LGR5: variants seen among roughly 807,000 people sequenced by gnomAD.
LGR5 encodes the protein leucine rich repeat containing G protein-coupled receptor 5.
LGR5 carries 54 observed loss-of-function variants against 76.7 expected under a neutral mutation model. The ratio of observed to expected loss-of-function variants is 0.70; its 90% CI spans 0.57 to 0.88. The LOEUF (loss-of-function observed/expected upper bound fraction) is 0.88, where lower values mean the gene tolerates loss of function less well. Among genes scored for constraint, LGR5 ranks in the 40% least tolerant of loss-of-function variants. The pLI is 0.00. For synonymous variants in LGR5, 406 were observed against 421.9 expected (o/e 0.96, Z 0.46); for missense variants, 1,078 against 1,073.3 (o/e 1.00, Z -0.06).
intron 1 of LGR5, among the ~76,000 whole-genome samples, chr12:71,491,269 G>T (rs992336925): frequency 6.6e-6 from 1 of 152,126 alleles, no homozygotes; most frequent in Non-Finnish European, 1.5e-5. Context: ...CAGATTTTTT[G>T]TAAGTTTATA....
At chr12:71,462,644 A>G (rs1793934019) in intron 1 of LGR5, among the ~76,000 whole-genome samples, 1 of 152,024 alleles carries the variant, frequency 6.6e-6, no homozygotes, top group Non-Finnish European at 1.5e-5. Flanking sequence ...TTTATGGTGC[A>G]TTCATGCCAG....
chr12:71,528,460 C>CA (rs1170713756), intron 3 of LGR5, among the ~76,000 whole-genome samples: 1 of 151,648 alleles, frequency 6.6e-6, no homozygotes, highest in East Asian at 1.9e-4. Context: ...AGACCTGTCT[C>CA]AAAAAATATA....
rs539426615 is a variant in LGR5, at chr12:71,472,415, G to A, written c.212+32123G>A. Among the ~76,000 whole-genome samples the A allele has an allele frequency of 5.3e-5, 8 of 152,236 alleles. No individual in the cohort carries two copies. In the East Asian group the frequency reaches 5.8e-4, roughly 11 times the overall value. On this transcript the variant is annotated intron_variant, in intron 1 of 17. Transcript: ENST00000266674. ...CCTCATACATGGCAGAACAGAAGCC[G>A]TCTGACCTCCAGGTCAGTGTTCTTT...
At position 71,494,013 on chromosome 12, in the gene LGR5, G is replaced by A. The variant is rs558106081; in HGVS notation, c.213-10601G>A. On this transcript the variant is annotated intron_variant, in intron 1 of 17. Coordinates refer to ENST00000266674, the MANE Select transcript of LGR5 (RefSeq NM_003667.4). ...GGCTGGAGTGTAGTGGCGTGATCTC[G>A]GCTCACTGCAAGCTCTGCCTCCCGG... 4.2e-4 allele frequency among the ~76,000 whole-genome samples: 61 copies of A among 146,010 alleles called. 1 individual carries two copies. Among genetic ancestry groups the A allele is most frequent in the African/African-American group, 1.4e-3 (54 of 37,416 alleles).
Position 71,553,251 on chromosome 12 carries a change from G to A in LGR5, c.607G>A (p.Asp203Asn), listed in dbSNP as rs866165667. The A allele has an allele frequency of 6.2e-7, 1 of 1,613,896 alleles. No individual in the cohort carries two copies. Among genetic ancestry groups the A allele is most frequent in the African/African-American group, 1.3e-5 (1 of 74,928 alleles). Residue 203 changes from aspartate to asparagine, a missense_variant, in exon 5 of 18, where the codon GAC (aspartate) becomes AAC (asparagine). Transcript: ENST00000266674. Reference protein sequence around the residue: ...LALNKIHHIPDYAFGNLSSLV... With the variant: ...LALNKIHHIPNYAFGNLSSLV... ...CCTGAACAAAATACACCACATACCA[G>A]ACTATGCCTTTGGAAACCTCTCCAG...
intron 1 of LGR5, among the ~76,000 whole-genome samples, chr12:71,464,083 T>C (rs1298742384): frequency 1.3e-5 from 2 of 152,176 alleles, no homozygotes; most frequent in Non-Finnish European, 2.9e-5. Flanking sequence ...TTATAAAAGA[T>C]TCTTTAAATC....
intron 1 of LGR5, among the ~76,000 whole-genome samples, chr12:71,479,399 T>C (rs2137256913): frequency 6.6e-6 from 1 of 152,322 alleles, no homozygotes. Flanking sequence ...ATTCAGCTGG[T>C]CAATCAACTG....
intron 1 of LGR5, among the ~76,000 whole-genome samples, chr12:71,459,197 A>T (rs1220707465): frequency 1.3e-5 from 2 of 152,140 alleles, no homozygotes; most frequent in East Asian, 3.9e-4. Context: ...CCCTCTCATA[A>T]GGCAAAGCAC....
At chr12:71,475,751 G>T (rs537568514) in intron 1 of LGR5, among the ~76,000 whole-genome samples, 1 of 152,110 alleles carries the variant, frequency 6.6e-6, no homozygotes, top group African/African-American at 2.4e-5. Flanking sequence ...TTTAATATAA[G>T]TAAAAAGAAA....
At chr12:71,447,671 C>T (rs757976119) in intron 1 of LGR5, among the ~76,000 whole-genome samples, 18 of 152,174 alleles carry the variant, frequency 1.2e-4, no homozygotes, top group Non-Finnish European at 2.1e-4. Flanking sequence ...GTGTCTCGTG[C>T]ACACTAATAC....
At chr12:71,531,882 G>C (rs1265268180) in intron 3 of LGR5, among the ~76,000 whole-genome samples, 1 of 152,012 alleles carries the variant, frequency 6.6e-6, no homozygotes, top group African/African-American at 2.4e-5. Context: ...CCAAAAAAAA[G>C]TTATCATCAC....
At chr12:71,540,024 GT>G (rs1487714189) in intron 4 of LGR5, among the ~76,000 whole-genome samples, 2 of 152,094 alleles carry the variant, frequency 1.3e-5, no homozygotes, top group Admixed American at 6.6e-5. Context: ...ACAGTAAGCT[GT>G]ATTTTACCAA....
At chr12:71,442,468 A>T (rs1871810526) in intron 1 of LGR5, among the ~76,000 whole-genome samples, 1 of 152,194 alleles carries the variant, frequency 6.6e-6, no homozygotes, top group African/African-American at 2.4e-5. Context: ...ACATTTTCCC[A>T]GTGCCCTGTG....
intron 1 of LGR5, among the ~76,000 whole-genome samples, chr12:71,496,391 AAG>A (rs561223061): frequency 3.5e-5 from 4 of 115,070 alleles, no homozygotes; most frequent in Admixed American, 9.6e-5. Context: ...AAAAAAAAAA[AAG>A]AGAGAGAGAG....
At chr12:71,508,503 C>T (rs1200793012) in intron 2 of LGR5, among the ~76,000 whole-genome samples, 2 of 152,016 alleles carry the variant, frequency 1.3e-5, no homozygotes, top group African/African-American at 4.8e-5. Flanking sequence ...CACCTGTAAT[C>T]CCAGCACTTT....
chr12:71,469,592 G>C (rs1333511082), intron 1 of LGR5, among the ~76,000 whole-genome samples: 1 of 152,242 alleles, frequency 6.6e-6, no homozygotes, highest in Non-Finnish European at 1.5e-5. Flanking sequence ...AGAGGGGCAG[G>C]AGATGGGGGT....
chr12:71,484,716 C>G (rs777052481), intron 1 of LGR5, among the ~76,000 whole-genome samples: 3 of 152,172 alleles, frequency 2.0e-5, no homozygotes, highest in Admixed American at 6.5e-5. Context: ...GGGATGTGAG[C>G]TGAGTACACA....
chr12:71,533,068 G>A (rs1461089890), intron 3 of LGR5, among the ~76,000 whole-genome samples: 5 of 152,066 alleles, frequency 3.3e-5, no homozygotes, highest in South Asian at 2.1e-4. Flanking sequence ...TGGGCGTGGC[G>A]GCTCACACCT....
chr12:71,443,054 G>A (rs1871835497), intron 1 of LGR5, among the ~76,000 whole-genome samples: 3 of 152,096 alleles, frequency 2.0e-5, no homozygotes, highest in Non-Finnish European at 4.4e-5. Flanking sequence ...TTTGTAAGAG[G>A]TTATCATCAT....
Sources: gnomAD v4.1 joint callset for allele counts (sites outside exome capture counted in the v4.1 genomes callset) on GRCh38, gnomAD v4.1.1 for gene constraint, MANE v1.5 for transcripts, NCBI Gene and HGNC (gene_info 2026-07-23, HGNC 2026-07-21) for gene names.